The following UEVLD variants were observed in gnomAD, a reference collection of about 807,000 sequenced individuals.
UEVLD encodes the protein UEV and lactate/malate dehyrogenase domains, also known as ubiquitin-conjugating enzyme E2 variant 3.
Under a neutral mutation model 58.6 loss-of-function variants are expected in UEVLD, and 47 were observed. The observed-to-expected ratio is 0.80, with a 90% confidence interval of 0.63 to 1.02. The LOEUF (loss-of-function observed/expected upper bound fraction) is 1.02, where lower values mean the gene tolerates loss of function less well. Among genes scored for constraint, UEVLD ranks in the 50% least tolerant of loss-of-function variants. The pLI, the probability that UEVLD is intolerant of heterozygous loss-of-function variation, is 0.00. For missense variants in UEVLD, 510 were observed against 550.6 expected (o/e 0.93, Z 0.74); for synonymous variants, 197 against 195.3 (o/e 1.01, Z -0.07).
At chr11:18,547,997 C>G (rs1344064691) in intron 7 of UEVLD, among the ~76,000 whole-genome samples, 2 of 152,260 alleles carry the variant, frequency 1.3e-5, no homozygotes, top group East Asian at 3.9e-4. Context: ...TCAAGTACTC[C>G]TCCTGCTTCT....
At chr11:18,580,130 A>G (rs1349061080) in intron 1 of UEVLD, among the ~76,000 whole-genome samples, 1 of 151,864 alleles carries the variant, frequency 6.6e-6, no homozygotes, top group Non-Finnish European at 1.5e-5. Flanking sequence ...CGATCAGGAA[A>G]AAGAACAAAA....
At chr11:18,569,945 C>G (rs1301871431) in intron 4 of UEVLD, 12 of 241,086 alleles carry the variant, frequency 5.0e-5, no homozygotes, top group Non-Finnish European at 4.0e-5. Flanking sequence ...TCCTCCTGTA[C>G]TTTCTCAAGT....
chr11:18,543,899 ACT>A (rs1212631813), intron 9 of UEVLD, among the ~76,000 whole-genome samples: 4 of 152,164 alleles, frequency 2.6e-5, no homozygotes, highest in African/African-American at 4.8e-5. Context: ...ATGAGTGAAA[ACT>A]CTGTTTAAAA....
At chr11:18,574,025 A>G (rs1370024749) in intron 3 of UEVLD, among the ~76,000 whole-genome samples, 1 of 152,210 alleles carries the variant, frequency 6.6e-6, no homozygotes. Context: ...TAAGCCCTTC[A>G]GTCAATAATC....
intron 1 of UEVLD, among the ~76,000 whole-genome samples, chr11:18,586,549 C>G (rs1017815759): frequency 3.9e-5 from 6 of 152,102 alleles, no homozygotes; most frequent in African/African-American, 1.4e-4. Flanking sequence ...GAGACACGGT[C>G]TCGTTCTGTC....
rs984792465 is a variant in UEVLD, at chr11:18,532,256, T to C, written c.*64A>G. The C allele has an allele frequency of 1.6e-5, 23 of 1,469,994 alleles. No individual in the cohort carries two copies. In the African/African-American group the frequency reaches 3.0e-4, roughly 19 times the overall value. The allele number at this position is 1,469,994 out of a possible 1,614,324, so 91.1% of individuals were successfully genotyped here. ...ATACAGAAATCCTCAAACCTATATA[T>C]AGGTAAAATTAAATGACTTTTCCCT... On this transcript the variant is annotated 3_prime_UTR_variant, in exon 12 of 12. Transcript: ENST00000396197.
chr11:18,532,325 G>C lies in UEVLD; in HGVS notation c.1411C>G (p.Leu471Val), dbSNP rs1483252780. ...SIHSLQQQLK[L>V] Reference sequence around the variant, plus strand: ...TCTCAAATTGCATTTGAGAATCAAAGTTTTAACTGTTGTTGGAGACTGTGG... The same window carrying C: ...TCTCAAATTGCATTTGAGAATCAAACTTTTAACTGTTGTTGGAGACTGTGG... The change falls in exon 12 of 12, where the codon CTT becomes GTT. Residue 471 changes from leucine to valine, a missense_variant. Leu to Val is a conservative substitution (Grantham distance 32). Coordinates refer to ENST00000396197, the MANE Select transcript of UEVLD (RefSeq NM_001040697.4). 1.3e-6 allele frequency: 2 copies of C among 1,597,044 alleles called. No individual in the cohort carries two copies. Among genetic ancestry groups the C allele is most frequent in the African/African-American group, 1.4e-5 (1 of 73,834 alleles).
rs55999230 is a variant in UEVLD at position 18,534,402 on chromosome 11, T to G, written c.1176A>C (p.Leu392=). ...VKGQRSWSVG[L]SVADMVDSIV... is the part of the protein sequence containing the mutation. ...TACTGTCAACCATGTCAGCTACTGA[T>G]AGTCCAACAGACCAGGATCTTTGAC... Residue 392 remains leucine, a synonymous_variant, in exon 11 of 12, where the codon CTA becomes CTC. Transcript: ENST00000396197. 7 of 1,579,938 alleles carry G rather than the reference T, an allele frequency of 4.4e-6. No individual in the cohort carries two copies. The African/African-American group carries it at 9.6e-5, about 22-fold the overall frequency.
chr11:18,570,503 T>C (rs987379655), intron 3 of UEVLD, 126 bp from the exon 4 acceptor site: 16 of 911,076 alleles, frequency 1.8e-5, no homozygotes, highest in Middle Eastern at 3.7e-4. Context: ...CCCAGCACTT[T>C]GGGATGCTGA....
At chr11:18,563,712 A>T in intron 6 of UEVLD, 1 of 985,506 alleles carries the variant, frequency 1.0e-6, no homozygotes, top group Admixed American at 6.1e-5. Flanking sequence ...TCTAATTAAG[A>T]GGTAATAGCA....
At chr11:18,555,716 G>C (rs1427299957) in intron 7 of UEVLD, among the ~76,000 whole-genome samples, 2 of 152,178 alleles carry the variant, frequency 1.3e-5, no homozygotes, top group African/African-American at 4.8e-5. Context: ...ATGAGGCTGA[G>C]GCAGGAGGAC....
At chr11:18,573,456 TAAG>T (rs1297508937) in intron 3 of UEVLD, among the ~76,000 whole-genome samples, 3 of 152,034 alleles carry the variant, frequency 2.0e-5, no homozygotes, top group Non-Finnish European at 4.4e-5. Context: ...GAATACAACT[TAAG>T]GGGAACAGGT....
chr11:18,576,960 A>G (rs1321347432), intron 2 of UEVLD, among the ~76,000 whole-genome samples: 1 of 152,184 alleles, frequency 6.6e-6, no homozygotes, highest in Non-Finnish European at 1.5e-5. Context: ...AGGTGGGTGG[A>G]TCACTTGAGG....
chr11:18,585,044 C>T (rs1232567555), intron 1 of UEVLD, among the ~76,000 whole-genome samples: 1 of 152,174 alleles, frequency 6.6e-6, no homozygotes, highest in Non-Finnish European at 1.5e-5. Context: ...CTTGCCTCTT[C>T]ACTTTCTTTA....
At chr11:18,544,909 G>A (rs1851224102) in intron 8 of UEVLD, 113 bp from the exon 9 acceptor site, 2 of 606,878 alleles carry the variant, frequency 3.3e-6, no homozygotes, top group Non-Finnish European at 5.1e-6. Context: ...ATGCACTGAG[G>A]CATTATATGT....
rs966938240 is a variant in UEVLD, at chr11:18,531,745, C to T, written c.*575G>A. The T allele has an allele frequency of 1.3e-5, 2 of 152,130 alleles. No homozygotes were observed. The highest frequency in any genetic ancestry group is 4.8e-5 in the African/African-American group (2 of 41,436). The allele number at this position is 152,130 out of a possible 1,614,324, so 9.4% of individuals were successfully genotyped here. ...TGCATATATTTTAAAAATTCACTTT[C>T]CATTTTACTATTTTAAAGTGCATGT... On this transcript the variant is annotated 3_prime_UTR_variant, in exon 12 of 12. Transcript: ENST00000396197.
intron 9 of UEVLD, among the ~76,000 whole-genome samples, chr11:18,543,084 G>A (rs941143660): frequency 1.3e-5 from 2 of 151,720 alleles, no homozygotes; most frequent in Non-Finnish European, 2.9e-5. Context: ...GTAGAGACGG[G>A]GTTTCACCAT....
intron 7 of UEVLD, among the ~76,000 whole-genome samples, chr11:18,555,282 T>C (rs1565121727): frequency 2.0e-5 from 3 of 152,124 alleles, no homozygotes; most frequent in Middle Eastern, 3.4e-3. Context: ...AAAAATTAGC[T>C]GGGCATGGTG....
chr11:18,534,089 G>A (rs182317170), intron 11 of UEVLD, among the ~76,000 whole-genome samples: 3 of 152,248 alleles, frequency 2.0e-5, no homozygotes, highest in East Asian at 1.9e-4. Context: ...GTTGTCACAT[G>A]CCTGGCAAAG....
Sources: allele counts gnomAD v4.1 joint callset (sites outside exome capture counted in the v4.1 genomes callset), GRCh38; gene constraint gnomAD v4.1.1; transcripts MANE v1.5; gene names NCBI Gene and HGNC (gene_info 2026-07-23, HGNC 2026-07-21).